The following KIAA0825 variants were observed in gnomAD, a reference collection of about 807,000 sequenced individuals.
The protein encoded by KIAA0825 is KIAA0825.
In KIAA0825, 119 loss-of-function variants were observed where a neutral mutation model predicts 147.6. That is an observed-to-expected ratio of 0.81 (90% CI 0.69 to 0.94). KIAA0825 has a LOEUF of 0.94. Ranked by LOEUF, KIAA0825 falls within the 40% of genes least tolerant of loss-of-function variation. The pLI is 0.00. For missense variants in KIAA0825, 1,381 were observed against 1,472.7 expected (o/e 0.94, Z 1.02); for synonymous variants, 470 against 518.1 (o/e 0.91, Z 1.26).
chr5:94,512,491 G>A (rs745495003), intron 5 of KIAA0825, among the ~76,000 whole-genome samples: 4 of 151,762 alleles, frequency 2.6e-5, no homozygotes, highest in Non-Finnish European at 5.9e-5. Flanking sequence ...TCCAGGCACA[G>A]TGCCTCATGC....
chr5:94,257,411 C>T (rs1005569386), intron 20 of KIAA0825, among the ~76,000 whole-genome samples: 7 of 152,082 alleles, frequency 4.6e-5, no homozygotes, highest in Non-Finnish European at 8.8e-5. Context: ...CATACAAACA[C>T]ATTCACTGAA....
intron 20 of KIAA0825, among the ~76,000 whole-genome samples, chr5:94,321,788 T>C (rs1012144953): frequency 2.6e-5 from 4 of 151,962 alleles, no homozygotes; most frequent in African/African-American, 9.7e-5. Flanking sequence ...TTCCATTCTT[T>C]AAAGGTACAT....
intron 20 of KIAA0825, among the ~76,000 whole-genome samples, chr5:94,338,545 A>G (rs1045551341): frequency 1.3e-5 from 2 of 152,238 alleles, no homozygotes; most frequent in Middle Eastern, 3.4e-3. Context: ...TTATAATAAC[A>G]TATTTTTACT....
intron 20 of KIAA0825, among the ~76,000 whole-genome samples, chr5:94,323,121 A>G (rs1325610730): frequency 5.3e-5 from 8 of 151,910 alleles, no homozygotes; most frequent in Non-Finnish European, 7.4e-5. Context: ...GTGTGCGTAT[A>G]ATATATGAGT....
intron 20 of KIAA0825, among the ~76,000 whole-genome samples, chr5:94,266,606 G>A (rs1297727278): frequency 3.9e-5 from 6 of 152,050 alleles, no homozygotes; most frequent in African/African-American, 1.4e-4. Context: ...TTCAACCAAA[G>A]CAACATATGA....
intron 1 of KIAA0825, among the ~76,000 whole-genome samples, chr5:94,605,751 T>C (rs1787379051): frequency 1.3e-5 from 2 of 152,208 alleles, no homozygotes; most frequent in South Asian, 4.1e-4. Flanking sequence ...AACAAGGTAT[T>C]GAAGGAACAT....
At chr5:94,442,302 G>A (rs2150852230) in intron 13 of KIAA0825, among the ~76,000 whole-genome samples, 1 of 152,242 alleles carries the variant, frequency 6.6e-6, no homozygotes. Flanking sequence ...GCCAACTCAG[G>A]CTTCCCATGT....
chr5:94,308,070 G>A (rs1483867607), intron 20 of KIAA0825, among the ~76,000 whole-genome samples: 2 of 151,642 alleles, frequency 1.3e-5, no homozygotes, highest in Non-Finnish European at 2.9e-5. Context: ...ATTTGGAATA[G>A]AGTGATTGAG....
intron 2 of KIAA0825, among the ~76,000 whole-genome samples, chr5:94,563,107 C>T (rs997419448): frequency 2.0e-5 from 3 of 151,424 alleles, no homozygotes; most frequent in Admixed American, 6.6e-5. Flanking sequence ...TTTGGGAGGC[C>T]GAGGTGGGTG....
chr5:94,208,195 A>G (rs1324914921), intron 20 of KIAA0825, among the ~76,000 whole-genome samples: 1 of 152,200 alleles, frequency 6.6e-6, no homozygotes, highest in Non-Finnish European at 1.5e-5. Context: ...GCAGAATAGT[A>G]TTTGACAGAC....
intron 13 of KIAA0825, among the ~76,000 whole-genome samples, chr5:94,447,597 C>T: frequency 6.6e-6 from 1 of 152,032 alleles, no homozygotes; most frequent in East Asian, 1.9e-4. Flanking sequence ...ACCATTGACA[C>T]CTAGCATAAT....
chr5:94,311,603 T>G (rs2150206937), intron 20 of KIAA0825, among the ~76,000 whole-genome samples: 1 of 151,776 alleles, frequency 6.6e-6, no homozygotes, highest in Non-Finnish European at 1.5e-5. Context: ...CAAAAGCTTT[T>G]CACTGTAGAT....
chr5:94,236,311 G>A (rs1242512308), intron 20 of KIAA0825, among the ~76,000 whole-genome samples: 1 of 152,202 alleles, frequency 6.6e-6, no homozygotes, highest in Non-Finnish European at 1.5e-5. Flanking sequence ...TAGGACTTCA[G>A]TGGAGGAAGT....
intron 20 of KIAA0825, among the ~76,000 whole-genome samples, chr5:94,176,109 G>A (rs1294684055): frequency 6.6e-6 from 1 of 152,122 alleles, no homozygotes; most frequent in African/African-American, 2.4e-5. Context: ...GGTAGGGCCT[G>A]TTGAGAGGTG....
At chr5:94,581,354 C>T (rs891857317) in intron 2 of KIAA0825, among the ~76,000 whole-genome samples, 16 of 152,188 alleles carry the variant, frequency 1.1e-4, no homozygotes, top group African/African-American at 3.6e-4. Context: ...AGCTGTCTCT[C>T]ACCTCCAGAG....
At chr5:94,549,530 G>T (rs561347098) in intron 2 of KIAA0825, among the ~76,000 whole-genome samples, 1 of 152,220 alleles carries the variant, frequency 6.6e-6, no homozygotes, top group South Asian at 2.1e-4. Flanking sequence ...TGGCCAACAT[G>T]GTGAAACCCT....
At position 94,367,994 on chromosome 5, in the gene KIAA0825, C is replaced by T. The variant is rs192942612; in HGVS notation, c.3710+16374G>A. ...AAGCTAAGCCATTAAAAAATAAAAA[C>T]TCTGTATCTTTACATGGATGAGTCA... On this transcript the variant is annotated intron_variant, in intron 20 of 20. Transcript: ENST00000682413. Among the ~76,000 whole-genome samples the T allele has an allele frequency of 2.6e-5, 4 of 152,222 alleles. No homozygotes were observed. The East Asian group carries it at 5.8e-4, about 22-fold the overall frequency.
intron 20 of KIAA0825, among the ~76,000 whole-genome samples, chr5:94,285,477 T>C (rs528531371): frequency 1.3e-5 from 2 of 152,302 alleles, no homozygotes; most frequent in Non-Finnish European, 2.9e-5. Context: ...TACACAGATA[T>C]TAATAATACC....
At chr5:94,298,202 T>G (rs959614006) in intron 20 of KIAA0825, among the ~76,000 whole-genome samples, 10 of 151,616 alleles carry the variant, frequency 6.6e-5, no homozygotes, top group African/African-American at 2.4e-4. Context: ...GAGCCGAGAT[T>G]GCGCCACTGC....
Sources: allele counts gnomAD v4.1 joint callset (sites outside exome capture counted in the v4.1 genomes callset), GRCh38; gene constraint gnomAD v4.1.1; transcripts MANE v1.5; gene names NCBI Gene and HGNC (gene_info 2026-07-23, HGNC 2026-07-21).